Variants in NEO1 observed in about 807,000 individuals in gnomAD.
NEO1 encodes the protein neogenin.
NEO1 carries 63 observed loss-of-function variants against 159.7 expected under a neutral mutation model. That is an observed-to-expected ratio of 0.39 (90% CI 0.32 to 0.49). NEO1 has a LOEUF of 0.49. Among genes scored for constraint, NEO1 ranks in the 20% least tolerant of loss-of-function variants. The pLI, the probability that NEO1 is intolerant of heterozygous loss-of-function variation, is 0.85. For missense variants in NEO1, 1,615 were observed against 1,831.0 expected, an observed-to-expected ratio of 0.88 and a Z score of 2.15; for synonymous variants, 633 against 662.0, an observed-to-expected ratio of 0.96 and a Z score of 0.67.
chr15:73,081,448 A>G (rs1010416156), intron 1 of NEO1, among the ~76,000 whole-genome samples: 1 of 152,246 alleles, frequency 6.6e-6, no homozygotes, highest in Non-Finnish European at 1.5e-5. Flanking sequence ...GTTCAAATAC[A>G]GTTAAAATTA....
At chr15:73,238,694 A>G (rs2039329480) in intron 8 of NEO1, among the ~76,000 whole-genome samples, 1 of 152,120 alleles carries the variant, frequency 6.6e-6, no homozygotes, top group South Asian at 2.1e-4. Flanking sequence ...ACAAAGTTAC[A>G]AATTATAAAT....
chr15:73,053,980 A>G (rs781125277), intron 1 of NEO1, among the ~76,000 whole-genome samples: 17 of 152,240 alleles, frequency 1.1e-4, no homozygotes, highest in Admixed American at 3.9e-4. Context: ...GCTTTTGCCA[A>G]TGTTAAAGAA....
At chr15:73,288,610 T>C in intron 24 of NEO1, 59 bp downstream of exon 24, 1 of 562,020 alleles carries the variant, frequency 1.8e-6, no homozygotes, top group Non-Finnish European at 2.6e-6. Flanking sequence ...CATTTAAATC[T>C]TTTTTTTTTT....
chr15:73,301,668 C>A lies in NEO1; in HGVS notation c.4302+211C>A, dbSNP rs991234453. 1.5e-5 allele frequency: 9 copies of A among 615,060 alleles called. No homozygotes were observed. The South Asian group carries it at 1.7e-4, about 12-fold the overall frequency. 38.1% of individuals were successfully genotyped at this position (615,060 alleles called of 1,614,324 possible). ...ACTTGGTGTGCTTTCTTTCCCATAT[C>A]CACTCTTTTTTTTTTTTGAGACAGA... On this transcript the variant is annotated intron_variant, in intron 28 of 28. Coordinates refer to ENST00000261908, the MANE Select transcript of NEO1 (RefSeq NM_002499.4).
At chr15:73,244,964 A>AAAAAAAAAAAC in intron 9 of NEO1, among the ~76,000 whole-genome samples, 1 of 142,746 alleles carries the variant, frequency 7.0e-6, no homozygotes, top group African/African-American at 2.6e-5. Context: ...CAAAAAAAAA[A>AAAAAAAAAAAC]AAAAAAAAAA....
chr15:73,122,969 C>T (rs2151658797), intron 3 of NEO1, among the ~76,000 whole-genome samples, 169 bp downstream of exon 3: 2 of 152,104 alleles, frequency 1.3e-5, no homozygotes, highest in Middle Eastern at 6.8e-3. Context: ...CCAGCCTGGC[C>T]AACATGGCGA....
At chr15:73,146,184 TC>T (rs981636036) in intron 5 of NEO1, among the ~76,000 whole-genome samples, 1 of 152,130 alleles carries the variant, frequency 6.6e-6, no homozygotes, top group African/African-American at 2.4e-5. Flanking sequence ...ATTTACATTT[TC>T]CCCCCAGTTT....
intron 15 of NEO1, among the ~76,000 whole-genome samples, chr15:73,260,805 C>T (rs980032893): frequency 5.3e-5 from 8 of 152,128 alleles, no homozygotes; most frequent in African/African-American, 1.7e-4. Context: ...AATCAGTTGG[C>T]TAAAACGGTA....
intron 26 of NEO1, among the ~76,000 whole-genome samples, chr15:73,295,506 C>T (rs1453350773): frequency 7.3e-5 from 11 of 151,428 alleles, no homozygotes; most frequent in African/African-American, 2.4e-5. Flanking sequence ...AGCCCTCTCC[C>T]TTGTGATCTA....
chr15:73,154,912 TTTG>T (rs1482827942), intron 5 of NEO1, among the ~76,000 whole-genome samples: 1 of 152,170 alleles, frequency 6.6e-6, no homozygotes, highest in East Asian at 1.9e-4. Flanking sequence ...GTTTTATAAA[TTTG>T]TTGTTTCTTC....
intron 8 of NEO1, among the ~76,000 whole-genome samples, chr15:73,237,203 G>A (rs2039228136): frequency 6.6e-6 from 1 of 152,084 alleles, no homozygotes; most frequent in Non-Finnish European, 1.5e-5. Flanking sequence ...CTTGGCCCAG[G>A]TTAAGCCCCA....
chr15:73,276,020 A>G (rs2041404576), intron 21 of NEO1, among the ~76,000 whole-genome samples: 3 of 152,236 alleles, frequency 2.0e-5, no homozygotes, highest in Non-Finnish European at 4.4e-5. Context: ...CTTTTGCACT[A>G]CATTGGAGAA....
intron 9 of NEO1, among the ~76,000 whole-genome samples, chr15:73,248,424 C>G (rs1442203756): frequency 6.6e-6 from 1 of 152,216 alleles, no homozygotes; most frequent in Non-Finnish European, 1.5e-5. Flanking sequence ...CATATCCACT[C>G]TGTTTCAACC....
intron 25 of NEO1, among the ~76,000 whole-genome samples, chr15:73,290,811 A>T (rs1054658555): frequency 6.6e-6 from 1 of 152,142 alleles, no homozygotes; most frequent in African/African-American, 2.4e-5. Flanking sequence ...TTTAATAGCC[A>T]TGAATATCAT....
chr15:73,077,463 CAAGT>C (rs1358073847), intron 1 of NEO1, among the ~76,000 whole-genome samples: 1 of 152,190 alleles, frequency 6.6e-6, no homozygotes, highest in Non-Finnish European at 1.5e-5. Flanking sequence ...AACACATAAA[CAAGT>C]AAGTACAAGG....
intron 7 of NEO1, among the ~76,000 whole-genome samples, chr15:73,225,888 G>A (rs897982259): frequency 5.3e-5 from 8 of 152,080 alleles, no homozygotes; most frequent in Non-Finnish European, 7.4e-5. Flanking sequence ...ACACTCCTCC[G>A]GTTGCCCTCC....
intron 7 of NEO1, among the ~76,000 whole-genome samples, chr15:73,189,701 C>T (rs1210823051): frequency 2.0e-5 from 3 of 152,198 alleles, no homozygotes; most frequent in Admixed American, 2.0e-4. Flanking sequence ...GGAGCGTCCA[C>T]AGTAGGCCTG....
intron 1 of NEO1, among the ~76,000 whole-genome samples, chr15:73,064,942 C>A (rs1006799832): frequency 1.1e-4 from 17 of 151,860 alleles, no homozygotes; most frequent in African/African-American, 4.1e-4. Context: ...TTCTGTATTC[C>A]CCTTTCTCTC....
At chr15:73,121,877 G>A (rs2071674476) in intron 2 of NEO1, among the ~76,000 whole-genome samples, 1 of 151,728 alleles carries the variant, frequency 6.6e-6, no homozygotes, top group African/African-American at 2.4e-5. Flanking sequence ...CTTACTTTAC[G>A]TCGTAAGATG....
Sources: allele counts gnomAD v4.1 joint callset (sites outside exome capture counted in the v4.1 genomes callset), GRCh38; gene constraint gnomAD v4.1.1; transcripts MANE v1.5; gene names NCBI Gene and HGNC (gene_info 2026-07-23, HGNC 2026-07-21).